Variants in MDFIC observed in about 807,000 individuals in gnomAD.
MDFIC encodes the protein MyoD family inhibitor domain containing.
MDFIC carries 17 observed loss-of-function variants against 23.2 expected under a neutral mutation model. The observed-to-expected ratio is 0.73, with a 90% CI of 0.50 to 1.10. The LOEUF (loss-of-function observed/expected upper bound fraction) is 1.10. MDFIC is among the 50% of genes least tolerant of loss of function. MDFIC has a pLI of 0.00. For missense variants in MDFIC, 356 were observed against 316.6 expected, an observed-to-expected ratio of 1.12 and a Z score of -0.95; for synonymous variants, 120 against 115.2, an observed-to-expected ratio of 1.04 and a Z score of -0.27.
intron 4 of MDFIC, chr7:115,013,836 G>A (rs952379268): frequency 1.2e-4 from 31 of 258,898 alleles, no homozygotes; most frequent in Non-Finnish European, 1.8e-4. Flanking sequence ...AATCCAGAAC[G>A]TTGTAAGGTC....
chr7:114,980,470 G>A (rs1355956207), intron 4 of MDFIC, among the ~76,000 whole-genome samples: 1 of 152,090 alleles, frequency 6.6e-6, no homozygotes, highest in African/African-American at 2.4e-5. Flanking sequence ...GTTAAAAGCA[G>A]GTTAAATACT....
chr7:114,974,997 T>C (rs1441712335), intron 3 of MDFIC, among the ~76,000 whole-genome samples: 2 of 152,062 alleles, frequency 1.3e-5, no homozygotes, highest in Non-Finnish European at 2.9e-5. Context: ...TGAATGTTCT[T>C]ATAAGTGGTA....
chr7:114,966,850 G>A (rs1793107076), intron 3 of MDFIC, among the ~76,000 whole-genome samples: 1 of 152,160 alleles, frequency 6.6e-6, no homozygotes, highest in African/African-American at 2.4e-5. Context: ...ATGGTTAGTA[G>A]CAATAGGACA....
chr7:115,011,708 G>A (rs992847853), intron 4 of MDFIC, among the ~76,000 whole-genome samples: 1 of 152,176 alleles, frequency 6.6e-6, no homozygotes, highest in Non-Finnish European at 1.5e-5. Context: ...ATGTGTCATT[G>A]TAGTCTAAGA....
At chr7:114,990,579 A>G (rs1187926292) in intron 4 of MDFIC, among the ~76,000 whole-genome samples, 1 of 152,122 alleles carries the variant, frequency 6.6e-6, no homozygotes, top group Non-Finnish European at 1.5e-5. Flanking sequence ...ATTCCCACCT[A>G]TGAGTGAGAA....
chr7:114,940,266 C>T (rs956453061), intron 2 of MDFIC, among the ~76,000 whole-genome samples: 1 of 152,202 alleles, frequency 6.6e-6, no homozygotes, highest in African/African-American at 2.4e-5. Context: ...CCTCTGGACT[C>T]GGTCCCAAGT....
chr7:114,997,618 C>T (rs1270722149), intron 4 of MDFIC, among the ~76,000 whole-genome samples: 1 of 150,748 alleles, frequency 6.6e-6, no homozygotes, highest in Non-Finnish European at 1.5e-5. Flanking sequence ...TGCTGCGTGC[C>T]TGTGGTCCTA....
intron 3 of MDFIC, among the ~76,000 whole-genome samples, chr7:114,978,503 TTTTG>T (rs1793357349): frequency 6.6e-6 from 1 of 152,220 alleles, no homozygotes; most frequent in African/African-American, 2.4e-5. Flanking sequence ...GTATAGCATC[TTTTG>T]TTTGTTTGTT....
Position 114,949,704 on chromosome 7 carries a change from T to C in MDFIC, c.217+7307T>C, listed in dbSNP as rs539991785. ...GTTTACAGTCTTGTGGGAGAGACAA[T>C]TTATTGTGATATGATAATGTGTATT... On this transcript the variant is annotated intron_variant, in intron 3 of 4. Coordinates refer to ENST00000393486, the MANE Select transcript of MDFIC (RefSeq NM_001166345.3). Among the ~76,000 whole-genome samples the C allele has an allele frequency of 2.0e-5, 3 of 152,186 alleles. No homozygotes were observed. In the East Asian group the frequency reaches 5.8e-4, roughly 29 times the overall value.
chr7:114,940,199 G>A (rs780410734), intron 2 of MDFIC, among the ~76,000 whole-genome samples: 2 of 152,172 alleles, frequency 1.3e-5, no homozygotes, highest in East Asian at 1.9e-4. Flanking sequence ...ATTTGAATAT[G>A]GTTTTGTTTA....
At chr7:115,014,144 A>C in intron 4 of MDFIC, 1 of 985,258 alleles carries the variant, frequency 1.0e-6, no homozygotes, top group Non-Finnish European at 1.2e-6. Flanking sequence ...TTGTGTTTCC[A>C]CATTTTCTCC....
chr7:114,923,091 G>C lies in MDFIC; in HGVS notation c.58G>C (p.Glu20Gln). 1 of 1,442,524 alleles carries C rather than the reference G, an allele frequency of 6.9e-7. No homozygotes were observed. The highest frequency in any genetic ancestry group is 9.1e-7 in the Non-Finnish European group (1 of 1,099,346). 89.4% of individuals were successfully genotyped at this position (1,442,524 alleles called of 1,614,324 possible). Residue 20 changes from glutamate to glutamine, a missense_variant, in exon 2 of 5, where the codon GAG becomes CAG. Glu to Gln is a conservative substitution (Grantham distance 29, BLOSUM62 2). Coordinates refer to ENST00000393486, the MANE Select transcript of MDFIC (RefSeq NM_001166345.3). ...GCCCGTGGGGCCGCAGCGCGTGGCC[G>C]AGGCGGGCGGCGGCCAGCTGGGCTC... ...PGPVGPQRVAEAGGGQLGSTA... is the reference protein window; with the variant it reads ...PGPVGPQRVAQAGGGQLGSTA...
At chr7:114,971,652 T>C (rs1450089125) in intron 3 of MDFIC, among the ~76,000 whole-genome samples, 1 of 152,204 alleles carries the variant, frequency 6.6e-6, no homozygotes, top group East Asian at 1.9e-4. Context: ...TCAGGCTAGC[T>C]TTTGTACATC....
chr7:114,968,258 T>C (rs1384536249), intron 3 of MDFIC, among the ~76,000 whole-genome samples: 1 of 152,162 alleles, frequency 6.6e-6, no homozygotes, highest in Non-Finnish European at 1.5e-5. Context: ...CTAAAATTAA[T>C]ACCCCCCAAA....
intron 3 of MDFIC, among the ~76,000 whole-genome samples, chr7:114,963,966 C>T (rs1278755839): frequency 2.0e-5 from 3 of 152,132 alleles, no homozygotes; most frequent in Middle Eastern, 3.4e-3. Context: ...GATAAATGTC[C>T]GGTAAAAGAA....
chr7:114,929,742 T>A (rs1792272908), intron 2 of MDFIC, among the ~76,000 whole-genome samples: 1 of 151,996 alleles, frequency 6.6e-6, no homozygotes, highest in South Asian at 2.1e-4. Flanking sequence ...CTTGGATGGG[T>A]GGATTGAATA....
intron 3 of MDFIC, among the ~76,000 whole-genome samples, chr7:114,972,388 AG>A (rs1793222278): frequency 6.6e-6 from 1 of 152,086 alleles, no homozygotes; most frequent in Admixed American, 6.6e-5. Flanking sequence ...CATCCCAGGA[AG>A]CCCCACCCCA....
At position 114,922,975 on chromosome 7, in the gene MDFIC, G is replaced by T; in HGVS notation, c.-59G>T. 7 of 1,546,410 alleles carry T rather than the reference G, an allele frequency of 4.5e-6. No individual in the cohort carries two copies. Among genetic ancestry groups the T allele is most frequent in the Non-Finnish European group, 6.1e-6 (7 of 1,148,196 alleles). On this transcript the variant is annotated 5_prime_UTR_variant, in exon 2 of 5. Transcript: ENST00000393486. ...GCACCTCACAGCCCTTCCTCCGTGCGCCCTGCCGGGCGGCGAGCTAGGCGG... is the reference window on the plus strand; with the variant it reads ...GCACCTCACAGCCCTTCCTCCGTGCTCCCTGCCGGGCGGCGAGCTAGGCGG...
chr7:114,963,668 T>A (rs564389047), intron 3 of MDFIC, among the ~76,000 whole-genome samples: 82 of 152,284 alleles, frequency 5.4e-4, no homozygotes, highest in Admixed American at 5.4e-3. Context: ...CTCAACCTCC[T>A]GGGTTCCAGC....
Sources: allele counts gnomAD v4.1 joint callset (sites outside exome capture counted in the v4.1 genomes callset), GRCh38; gene constraint gnomAD v4.1.1; transcripts MANE v1.5; gene names NCBI Gene and HGNC (gene_info 2026-07-23, HGNC 2026-07-21).